Variants in NSL1 observed in about 807,000 individuals in gnomAD.
NSL1 encodes NSL1 component of MIS12 kinetochore complex, also known as kinetochore-associated protein NSL1 homolog.
Under a neutral mutation model 25.4 loss-of-function variants are expected in NSL1, and 11 were observed. The observed-to-expected ratio is 0.43, with a 90% confidence interval of 0.27 to 0.72. NSL1 has a LOEUF of 0.72. Ranked by LOEUF, NSL1 falls within the 30% of genes least tolerant of loss-of-function variation. The pLI is 0.19. For synonymous variants in NSL1, 118 were observed against 120.6 expected (o/e 0.98, Z 0.14); for missense variants, 330 against 342.7 (o/e 0.96, Z 0.29).
At position 212,732,545 on chromosome 1, in the gene NSL1, C is replaced by T. The variant is rs113280076; in HGVS notation, c.*5863G>A. The stretch of plus-strand genomic sequence containing the variant: ...CCAGCCTCAGGTGATCTGCCTGTCT[C>T]GGCCTCCCAAGGTGCTGGGATTACA... On this transcript the variant is annotated 3_prime_UTR_variant, in exon 6 of 6. Coordinates refer to ENST00000366977, the MANE Select transcript of NSL1 (RefSeq NM_015471.4). The T allele has an allele frequency of 0.031, 24,949 of 802,184 alleles. 482 individuals carry two copies. Among genetic ancestry groups the T allele is most frequent in the Middle Eastern group, 0.043 (68 of 1,580 alleles). The allele number at this position is 802,184 out of a possible 1,614,324, so 49.7% of individuals were successfully genotyped here.
intron 4 of NSL1, among the ~76,000 whole-genome samples, chr1:212,757,404 C>T (rs1659365409): frequency 6.6e-6 from 1 of 152,002 alleles, no homozygotes; most frequent in Non-Finnish European, 1.5e-5. Flanking sequence ...TGGAAGGAGA[C>T]CAGGGTGTTA....
intron 4 of NSL1, among the ~76,000 whole-genome samples, chr1:212,746,128 T>C (rs1022951504): frequency 2.0e-5 from 3 of 152,224 alleles, no homozygotes; most frequent in Non-Finnish European, 2.9e-5. Flanking sequence ...TAAAGGTAAC[T>C]ACATAGGTAA....
At chr1:212,762,504 TAG>T (rs1043159304) in intron 4 of NSL1, among the ~76,000 whole-genome samples, 12 of 152,104 alleles carry the variant, frequency 7.9e-5, no homozygotes, top group African/African-American at 2.7e-4. Context: ...GAATAGTGGC[TAG>T]AGAGTCACAC....
intron 4 of NSL1, among the ~76,000 whole-genome samples, chr1:212,749,996 T>A (rs950571825): frequency 3.3e-5 from 5 of 150,696 alleles, no homozygotes; most frequent in African/African-American, 1.2e-4. Flanking sequence ...CCAAAAACTT[T>A]CTTTCACTTT....
At chr1:212,740,790 T>C (rs1240694339) in intron 4 of NSL1, among the ~76,000 whole-genome samples, 1 of 152,184 alleles carries the variant, frequency 6.6e-6, no homozygotes, top group Admixed American at 6.5e-5. Context: ...TAAAATAAAA[T>C]TTAAAATGTA....
intron 5 of NSL1, among the ~76,000 whole-genome samples, chr1:212,738,966 T>C (rs147375926): frequency 2.9e-4 from 44 of 152,278 alleles, no homozygotes; most frequent in Non-Finnish European, 1.5e-4. Context: ...TTTCACCATG[T>C]TGGCCAGGCT....
rs930837721 is a variant in NSL1, at chr1:212,760,125, C to T, written c.500-20524G>A. On this transcript the variant is annotated intron_variant, in intron 4 of 5. Transcript: ENST00000366977. This position sits in a 1 kb window ranked among gnomAD's most constrained non-coding sequence, Gnocchi z 4.3. The stretch of plus-strand genomic sequence containing the variant: ...CCAGGGCCTGGGGATTGACCTGCCC[C>T]GCCAGCTGCTTCTGGGGCACACACA... Among the ~76,000 whole-genome samples, 4 of 151,908 alleles carry T rather than the reference C, an allele frequency of 2.6e-5. No homozygotes were observed. The highest frequency in any genetic ancestry group is 4.8e-5 in the African/African-American group (2 of 41,334).
At chr1:212,745,465 A>T (rs1658744176) in intron 4 of NSL1, among the ~76,000 whole-genome samples, 1 of 151,982 alleles carries the variant, frequency 6.6e-6, no homozygotes, top group Admixed American at 6.6e-5. Flanking sequence ...GAAAGCAACA[A>T]GAGAGAAGTG....
rs1485711532 is a variant in NSL1, at chr1:212,732,036, T to C, written c.*6372A>G. 2.0e-6 allele frequency: 2 copies of C among 982,096 alleles called. No homozygotes were observed. The highest frequency in any genetic ancestry group is 1.8e-5 in the African/African-American group (1 of 56,862). 60.8% of individuals were successfully genotyped at this position (982,096 alleles called of 1,614,324 possible). ...CCAGTGTAACTGTCCCAATTTTTTT[T>C]TTTTTTTTTTACTGAATTCAGATTC... On this transcript the variant is annotated 3_prime_UTR_variant, in exon 6 of 6. Coordinates refer to ENST00000366977, the MANE Select transcript of NSL1 (RefSeq NM_015471.4).
Position 212,733,163 on chromosome 1 carries a change from G to C in NSL1, c.*5245C>G, listed in dbSNP as rs1658095470. Among the ~76,000 whole-genome samples the C allele has an allele frequency of 6.6e-6, 1 of 152,180 alleles. No homozygotes were observed. Among genetic ancestry groups the C allele is most frequent in the African/African-American group, 2.4e-5 (1 of 41,450 alleles). ...ACCCTCAAAAGACATCCCAGGCCAG[G>C]CGCAGTGGCTCACGCCTGTAATCCA... On this transcript the variant is annotated 3_prime_UTR_variant, in exon 6 of 6. Transcript: ENST00000366977.
chr1:212,790,750 G>A (rs1357833660), intron 1 of NSL1, among the ~76,000 whole-genome samples: 1 of 151,802 alleles, frequency 6.6e-6, no homozygotes, highest in Admixed American at 6.6e-5. Context: ...GTGAAACCCT[G>A]TCTCTACTAA....
At chr1:212,778,887 G>A (rs1172576203) in intron 4 of NSL1, among the ~76,000 whole-genome samples, 1 of 151,274 alleles carries the variant, frequency 6.6e-6, no homozygotes, top group Non-Finnish European at 1.5e-5. Context: ...GAGCCCCTCT[G>A]CCCGGCTGCC....
Position 212,738,036 on chromosome 1 carries a change from T to C in NSL1, c.*372A>G. 3 of 993,918 alleles carry C rather than the reference T, an allele frequency of 3.0e-6. No homozygotes were observed. Among genetic ancestry groups the C allele is most frequent in the Non-Finnish European group, 3.6e-6 (3 of 835,554 alleles). 61.6% of individuals were successfully genotyped at this position (993,918 alleles called of 1,614,324 possible). A position where few individuals can be genotyped will look rare whatever the true frequency, so the allele number is the denominator to read the frequency against. The stretch of plus-strand genomic sequence containing the variant: ...TACAGCTCTCTCTCTTTTTTTTTTT[T>C]TTCCTAGAAAGATGTATACCAGGGA... On this transcript the variant is annotated 3_prime_UTR_variant, in exon 6 of 6. Coordinates refer to ENST00000366977, the MANE Select transcript of NSL1 (RefSeq NM_015471.4).
Position 212,784,343 on chromosome 1 carries a change from T to G in NSL1, c.444+20A>C. The G allele has an allele frequency of 6.5e-7, 1 of 1,532,098 alleles. No individual in the cohort carries two copies. The highest frequency in any genetic ancestry group is 8.9e-7 in the Non-Finnish European group (1 of 1,123,006). 94.9% of individuals were successfully genotyped at this position (1,532,098 alleles called of 1,614,324 possible). On this transcript the variant is annotated intron_variant, in intron 3 of 5. Coordinates refer to ENST00000366977, the MANE Select transcript of NSL1 (RefSeq NM_015471.4). The stretch of plus-strand genomic sequence containing the variant: ...TTGTGGTAAAATATACTATAACATT[T>G]TAAAGGCAAATCATCTTACCAGAAT...
intron 4 of NSL1, chr1:212,766,184 C>T (rs1458116077): frequency 1.6e-6 from 1 of 608,852 alleles, no homozygotes; most frequent in Non-Finnish European, 2.9e-6. Context: ...AAAGAAGAGA[C>T]TTACCTCGAA....
rs1018382640 is a variant in NSL1, at chr1:212,735,737, C to T, written c.*2671G>A. On this transcript the variant is annotated 3_prime_UTR_variant, in exon 6 of 6. Transcript: ENST00000366977. ...ATAAGAAGAGACACCAGAGAGCTTG[C>T]ACTCTGTCCCTCTCTCCACATGCAT... Among the ~76,000 whole-genome samples, 2 of 152,176 alleles carry T rather than the reference C, an allele frequency of 1.3e-5. No homozygotes were observed. Among genetic ancestry groups the T allele is most frequent in the African/African-American group, 4.8e-5 (2 of 41,448 alleles).
At chr1:212,745,609 A>T (rs1366106480) in intron 4 of NSL1, among the ~76,000 whole-genome samples, 1 of 152,210 alleles carries the variant, frequency 6.6e-6, no homozygotes, top group Non-Finnish European at 1.5e-5. Flanking sequence ...CCAAGAATTC[A>T]CTATCTGCCA....
chr1:212,773,271 G>A lies in NSL1; in HGVS notation c.499+9101C>T, dbSNP rs1306338447. Among the ~76,000 whole-genome samples, 5 of 151,988 alleles carry A rather than the reference G, an allele frequency of 3.3e-5. No homozygotes were observed. The East Asian group carries it at 9.6e-4, about 29-fold the overall frequency. The stretch of plus-strand genomic sequence containing the variant: ...ACCTGTTGAATGGGAGAAACTATAT[G>A]CAAACTATTCATCCAATGGGGGACT... On this transcript the variant is annotated intron_variant, in intron 4 of 5. Transcript: ENST00000366977.
chr1:212,756,067 G>C (rs1659292509), intron 4 of NSL1, among the ~76,000 whole-genome samples: 1 of 152,104 alleles, frequency 6.6e-6, no homozygotes, highest in Admixed American at 6.6e-5. Context: ...ATCTAAAGGG[G>C]TGACAGGAAG....
Sources: gnomAD v4.1 joint callset for allele counts (sites outside exome capture counted in the v4.1 genomes callset) on GRCh38, gnomAD v4.1.1 for gene constraint, Gnocchi (gnomAD v3.1) non-coding constraint, MANE v1.5 for transcripts, NCBI Gene and HGNC (gene_info 2026-07-23, HGNC 2026-07-21) for gene names.